C14orf39: variants seen among roughly 807,000 people sequenced by gnomAD.
C14orf39 encodes the protein protein SIX6OS1.
Under a neutral mutation model 85.6 loss-of-function variants are expected in C14orf39, and 66 were observed. The ratio of observed to expected loss-of-function variants is 0.77; its 90% CI spans 0.63 to 0.95. The LOEUF (loss-of-function observed/expected upper bound fraction) is 0.95, where lower values mean the gene tolerates loss of function less well. Ranked by LOEUF, C14orf39 falls within the 40% of genes least tolerant of loss-of-function variation. The pLI, the probability that C14orf39 is intolerant of heterozygous loss-of-function variation, is 0.00. For synonymous variants in C14orf39, 242 were observed against 214.0 expected, an observed-to-expected ratio of 1.13 and a Z score of -1.14; for missense variants, 735 against 663.9, an observed-to-expected ratio of 1.11 and a Z score of -1.18.
In C14orf39 at chr14:60,449,438, A is replaced by G. The variant is rs1321996077; in HGVS notation, c.1503+5563T>C. Among the ~76,000 whole-genome samples, 3 of 152,154 alleles carry G rather than the reference A, an allele frequency of 2.0e-5. No homozygotes were observed. The East Asian group carries it at 5.8e-4, about 29-fold the overall frequency. On this transcript the variant is annotated intron_variant, in intron 16 of 17. Coordinates refer to ENST00000321731, the MANE Select transcript of C14orf39 (RefSeq NM_174978.3). Reference sequence around the variant, plus strand: ...GTAGTCTATCATTATCACATTATAAAATCTTTGGTTTCAAGATTTTCTAGC... The same window carrying G: ...GTAGTCTATCATTATCACATTATAAGATCTTTGGTTTCAAGATTTTCTAGC...
chr14:60,472,479 C>A (rs1035876798), intron 5 of C14orf39, among the ~76,000 whole-genome samples: 1 of 152,016 alleles, frequency 6.6e-6, no homozygotes, highest in African/African-American at 2.4e-5. Context: ...TATACATGTG[C>A]CATGTTGGTG....
intron 5 of C14orf39, among the ~76,000 whole-genome samples, chr14:60,477,458 T>C (rs1207565936): frequency 1.3e-5 from 2 of 152,232 alleles, no homozygotes; most frequent in Non-Finnish European, 2.9e-5. Context: ...TTATGCTATA[T>C]AATGTGTTCA....
intron 5 of C14orf39, among the ~76,000 whole-genome samples, chr14:60,472,563 C>T (rs1892147124): frequency 6.6e-6 from 1 of 152,140 alleles, no homozygotes; most frequent in African/African-American, 2.4e-5. Context: ...ACCCCCTCCC[C>T]ACAACAGGCC....
chr14:60,462,989 C>T (rs1891599444), intron 11 of C14orf39, among the ~76,000 whole-genome samples: 1 of 152,020 alleles, frequency 6.6e-6, no homozygotes, highest in Non-Finnish European at 1.5e-5. Flanking sequence ...GAGTAGATGT[C>T]AAGCAGTAGA....
intron 2 of C14orf39, among the ~76,000 whole-genome samples, chr14:60,498,886 T>C (rs1015979879): frequency 6.6e-6 from 1 of 152,150 alleles, no homozygotes; most frequent in Admixed American, 6.6e-5. Context: ...TCTGAGATAG[T>C]GAAAAAACAT....
At chr14:60,493,777 G>T (rs987457161) in intron 2 of C14orf39, 7 of 151,912 alleles carry the variant, frequency 4.6e-5, no homozygotes, top group African/African-American at 1.7e-4. Flanking sequence ...AGTTTCTTAA[G>T]AAAATGAAAA....
At chr14:60,461,715 T>A in intron 11 of C14orf39, 122 bp from the exon 12 acceptor site, 1 of 545,410 alleles carries the variant, frequency 1.8e-6, no homozygotes, top group South Asian at 3.3e-5. Flanking sequence ...ATTACCATCA[T>A]TATCAACATC....
chr14:60,471,451 G>C lies in C14orf39; in HGVS notation c.520C>G (p.Pro174Ala), dbSNP rs760565947. ...GTCCATTTAGTAAGTGATGGAAAGGGAGCAGGCACTGAAAAATAAAGTCAC... is the reference window on the plus strand; with the variant it reads ...GTCCATTTAGTAAGTGATGGAAAGGCAGCAGGCACTGAAAAATAAAGTCAC... ...TIFMKFRVPA[P>A]FPSLTKWTLN... The change falls in exon 7 of 18, where the codon CCC becomes GCC. Residue 174 changes from proline to alanine, a missense_variant. Transcript: ENST00000321731. 1 of 1,599,972 alleles carries C rather than the reference G, an allele frequency of 6.3e-7. No homozygotes were observed. Among genetic ancestry groups the C allele is most frequent in the African/African-American group, 1.3e-5 (1 of 74,216 alleles).
At position 60,464,126 on chromosome 14, in the gene C14orf39, A is replaced by G. The variant is rs1891668032; in HGVS notation, c.972+1853T>C. 2.0e-5 allele frequency among the ~76,000 whole-genome samples: 3 copies of G among 152,308 alleles called. No individual in the cohort carries two copies. The South Asian group carries it at 6.2e-4, about 32-fold the overall frequency. On this transcript the variant is annotated intron_variant, in intron 11 of 17. Transcript: ENST00000321731. ...AAATCCTTAAAAATGGGGCTGACTC[A>G]GCTAGCCCTTCTCCCCTTTTTCTTT... is the stretch of plus-strand genomic sequence containing the variant.
chr14:60,473,069 G>A (rs1225473763), intron 5 of C14orf39, among the ~76,000 whole-genome samples: 1 of 152,128 alleles, frequency 6.6e-6, no homozygotes, highest in African/African-American at 2.4e-5. Context: ...AGCACCTGTT[G>A]TTTCCTGACT....
rs200869900 is a variant in C14orf39, at chr14:60,485,127, T to A, written c.-8-41A>T. 3.3e-6 allele frequency: 5 copies of A among 1,518,696 alleles called. No individual in the cohort carries two copies. In the East Asian group the frequency reaches 1.1e-4, roughly 34 times the overall value. 94.1% of individuals were successfully genotyped at this position (1,518,696 alleles called of 1,614,324 possible). ...AAAAAAATTATAAGATTTTCTGAAG[T>A]CGTATGCAAAACAGGATATATTTCG... On this transcript the variant is annotated intron_variant, in intron 1 of 17. Coordinates refer to ENST00000321731, the MANE Select transcript of C14orf39 (RefSeq NM_174978.3).
intron 14 of C14orf39, among the ~76,000 whole-genome samples, chr14:60,457,949 CTGA>C (rs1456013748): frequency 3.3e-5 from 5 of 151,858 alleles, no homozygotes; most frequent in Non-Finnish European, 7.4e-5. Context: ...TTGTCACTTA[CTGA>C]TGATAACTTT....
intron 1 of C14orf39, among the ~76,000 whole-genome samples, chr14:60,513,010 T>C (rs74788978): frequency 0.015 from 2,326 of 152,268 alleles, 30 homozygotes; most frequent in Non-Finnish European, 0.024. Flanking sequence ...AGTGAAGTCA[T>C]GGAAGACAAA....
intron 17 of C14orf39, among the ~76,000 whole-genome samples, chr14:60,439,833 G>C (rs1890423199): frequency 6.6e-6 from 1 of 152,200 alleles, no homozygotes. Context: ...CAGCACTTTG[G>C]GAGGCCGAGG....
At position 60,471,975 on chromosome 14, in the gene C14orf39, C is replaced by A. The variant is rs540977491; in HGVS notation, c.324-236G>T. On this transcript the variant is annotated intron_variant, in intron 5 of 17. Transcript: ENST00000321731. ...TTAATTCTATTCATTTTAACTCCTACTCCCACTATTTTAATGACGCTATTC... is the reference window on the plus strand; with the variant it reads ...TTAATTCTATTCATTTTAACTCCTAATCCCACTATTTTAATGACGCTATTC... Among the ~76,000 whole-genome samples the A allele has an allele frequency of 2.0e-5, 3 of 152,062 alleles. No individual in the cohort carries two copies. The East Asian group carries it at 5.8e-4, about 29-fold the overall frequency.
chr14:60,503,974 T>C (rs1893175219), intron 1 of C14orf39, among the ~76,000 whole-genome samples: 2 of 152,158 alleles, frequency 1.3e-5, no homozygotes, highest in South Asian at 2.1e-4. Context: ...AGCAGTGTTA[T>C]TGACTTTGTT....
At chr14:60,468,325 T>G in intron 9 of C14orf39, 120 bp downstream of exon 9, 1 of 492,000 alleles carries the variant, frequency 2.0e-6, no homozygotes, top group Non-Finnish European at 3.5e-6. Flanking sequence ...GAAAATAGCC[T>G]GCACAACAAA....
In C14orf39 at chr14:60,482,656, T is replaced by A. The variant is rs527843909; in HGVS notation, c.233+1035A>T. On this transcript the variant is annotated intron_variant, in intron 4 of 17. Transcript: ENST00000321731. ...ATAGATCTCTATATGTGGAAGTATA[T>A]CTGTACATGACTGGAAATAACCTAA... 3.0e-4 allele frequency among the ~76,000 whole-genome samples: 46 copies of A among 152,318 alleles called. No individual in the cohort carries two copies. The South Asian group carries it at 9.5e-3, about 32-fold the overall frequency.
At chr14:60,496,280 G>T in intron 2 of C14orf39, 1 of 374,716 alleles carries the variant, frequency 2.7e-6, no homozygotes, top group South Asian at 2.1e-5. Flanking sequence ...AGGACCCACT[G>T]GATACTGTTG....
Sources: gnomAD v4.1 joint callset for allele counts (sites outside exome capture counted in the v4.1 genomes callset) on GRCh38, gnomAD v4.1.1 for gene constraint, MANE v1.5 for transcripts, NCBI Gene and HGNC (gene_info 2026-07-23, HGNC 2026-07-21) for gene names.